The following MSRA variants were observed in gnomAD, a reference collection of about 807,000 sequenced individuals.
MSRA encodes the protein mitochondrial peptide methionine sulfoxide reductase.
MSRA carries 54 observed loss-of-function variants against 31.3 expected under a neutral mutation model. The observed-to-expected ratio is 1.73, with a 90% CI of 1.39 to 2.17. The LOEUF is 2.17. Among genes scored for constraint, MSRA ranks in the 30% most tolerant of loss-of-function variants. MSRA has a pLI of 0.00. For missense variants in MSRA, 507 were observed against 300.9 expected (o/e 1.69, Z -5.07); for synonymous variants, 169 against 116.5 (o/e 1.45, Z -2.90).
intron 5 of MSRA, among the ~76,000 whole-genome samples, chr8:10,324,656 G>C (rs796665263): frequency 2.6e-5 from 4 of 152,248 alleles, no homozygotes; most frequent in African/African-American, 9.6e-5. Flanking sequence ...GCTTAGCCTG[G>C]GTCCCACAGA....
chr8:10,331,719 T>A (rs2129144382), intron 5 of MSRA, among the ~76,000 whole-genome samples: 1 of 152,338 alleles, frequency 6.6e-6, no homozygotes, highest in Non-Finnish European at 1.5e-5. Flanking sequence ...AATCTGATGA[T>A]GCTTAATCCC....
At chr8:10,225,714 G>A (rs748546483) in intron 2 of MSRA, among the ~76,000 whole-genome samples, 5 of 152,138 alleles carry the variant, frequency 3.3e-5, no homozygotes, top group Admixed American at 6.5e-5. Context: ...TGATGTAGAT[G>A]TCTGACGAGC....
intron 1 of MSRA, among the ~76,000 whole-genome samples, chr8:10,074,865 G>T (rs1057320782): frequency 6.6e-6 from 1 of 151,956 alleles, no homozygotes; most frequent in Non-Finnish European, 1.5e-5. Context: ...CACCGTGTTG[G>T]CCAGGCTGGT....
intron 1 of MSRA, among the ~76,000 whole-genome samples, chr8:10,086,306 A>C (rs1798555496): frequency 6.6e-6 from 1 of 152,188 alleles, no homozygotes; most frequent in African/African-American, 2.4e-5. Flanking sequence ...CTACCATTTA[A>C]TGGAGGTTGA....
At chr8:10,333,433 C>T (rs1166540134) in intron 5 of MSRA, among the ~76,000 whole-genome samples, 3 of 152,188 alleles carry the variant, frequency 2.0e-5, no homozygotes, top group African/African-American at 7.2e-5. Flanking sequence ...CAGCTGCATT[C>T]CTTGCAGAGA....
intron 2 of MSRA, among the ~76,000 whole-genome samples, chr8:10,221,074 A>T (rs1160598841): frequency 6.6e-6 from 1 of 152,146 alleles, no homozygotes; most frequent in Non-Finnish European, 1.5e-5. Flanking sequence ...TGGCCACATG[A>T]TGGGGAAAGC....
At chr8:10,237,949 G>T (rs1294589290) in intron 2 of MSRA, among the ~76,000 whole-genome samples, 2 of 152,156 alleles carry the variant, frequency 1.3e-5, no homozygotes, top group Non-Finnish European at 2.9e-5. Flanking sequence ...AGGACAGCCA[G>T]AGTGATTTTG....
intron 5 of MSRA, among the ~76,000 whole-genome samples, chr8:10,357,796 G>C (rs1209561982): frequency 6.6e-6 from 1 of 152,200 alleles, no homozygotes; most frequent in Non-Finnish European, 1.5e-5. Flanking sequence ...GCGTATGTTG[G>C]GGAGGGAGGG....
intron 3 of MSRA, among the ~76,000 whole-genome samples, chr8:10,268,164 A>G (rs1336710414): frequency 6.6e-6 from 1 of 152,180 alleles, no homozygotes; most frequent in Non-Finnish European, 1.5e-5. Flanking sequence ...CTGGTGTTGA[A>G]GGAATTCATA....
intron 1 of MSRA, among the ~76,000 whole-genome samples, chr8:10,148,482 A>C (rs1803358408): frequency 6.6e-6 from 1 of 151,980 alleles, no homozygotes; most frequent in Admixed American, 6.6e-5. Context: ...CCCCATCTCT[A>C]CTAAAAATAC....
intron 5 of MSRA, among the ~76,000 whole-genome samples, chr8:10,366,653 G>T (rs555031945): frequency 2.0e-5 from 3 of 152,160 alleles, no homozygotes; most frequent in Non-Finnish European, 4.4e-5. Flanking sequence ...TCCCCTGCTT[G>T]TACCTGTAAC....
chr8:10,118,235 A>G (rs1410987721), intron 1 of MSRA, among the ~76,000 whole-genome samples: 1 of 152,132 alleles, frequency 6.6e-6, no homozygotes, highest in Non-Finnish European at 1.5e-5. Flanking sequence ...ACTGGAGTAT[A>G]TCCTTGATTG....
chr8:10,276,971 A>AT (rs540811393), intron 3 of MSRA, among the ~76,000 whole-genome samples: 35 of 151,990 alleles, frequency 2.3e-4, no homozygotes, highest in South Asian at 1.9e-3. Context: ...AATGGATTTG[A>AT]TTTTTTTTCT....
chr8:10,088,354 A>G (rs1290412023), intron 1 of MSRA, among the ~76,000 whole-genome samples: 1 of 152,184 alleles, frequency 6.6e-6, no homozygotes, highest in Non-Finnish European at 1.5e-5. Context: ...AGGAGATGAA[A>G]TCATTACCTT....
In MSRA at chr8:10,428,533, G is replaced by A. The variant is rs1050961635; in HGVS notation, c.*221G>A. The A allele has an allele frequency of 8.1e-6, 4 of 495,162 alleles. No individual in the cohort carries two copies. Among genetic ancestry groups the A allele is most frequent in the East Asian group, 4.0e-5 (1 of 24,892 alleles). 30.7% of individuals were successfully genotyped at this position (495,162 alleles called of 1,614,324 possible). A position where few individuals can be genotyped will look rare whatever the true frequency, so the allele number is the denominator to read the frequency against. ...GTTATGGTGGGAGTGGAGCTGTGCAGTTTCCTGTGTCTTCTGGGGTCTGAG... is the reference window on the plus strand; with the variant it reads ...GTTATGGTGGGAGTGGAGCTGTGCAATTTCCTGTGTCTTCTGGGGTCTGAG... On this transcript the variant is annotated 3_prime_UTR_variant, in exon 6 of 6. Coordinates refer to ENST00000317173, the MANE Select transcript of MSRA (RefSeq NM_012331.5).
chr8:10,248,870 T>C (rs1797768983), intron 3 of MSRA, among the ~76,000 whole-genome samples: 1 of 152,198 alleles, frequency 6.6e-6, no homozygotes, highest in Admixed American at 6.5e-5. Context: ...TAGAATAAAG[T>C]CGCCCATTGA....
chr8:10,385,597 G>A (rs1276180406), intron 5 of MSRA, among the ~76,000 whole-genome samples: 1 of 152,168 alleles, frequency 6.6e-6, no homozygotes, highest in Non-Finnish European at 1.5e-5. Flanking sequence ...CTGTGGTAAG[G>A]AGATTAGGAG....
chr8:10,334,855 C>T (rs767969347), intron 5 of MSRA, among the ~76,000 whole-genome samples: 13 of 152,376 alleles, frequency 8.5e-5, no homozygotes, highest in Non-Finnish European at 1.5e-4. Flanking sequence ...CGCGCCACCC[C>T]TCCCCCGCTC....
chr8:10,359,951 TC>T (rs1334214631), intron 5 of MSRA, among the ~76,000 whole-genome samples: 1 of 152,176 alleles, frequency 6.6e-6, no homozygotes, highest in Non-Finnish European at 1.5e-5. Flanking sequence ...CTGTTTCTGT[TC>T]CCCTCCTCCA....
Sources: gnomAD v4.1 joint callset for allele counts (sites outside exome capture counted in the v4.1 genomes callset) on GRCh38, gnomAD v4.1.1 for gene constraint, MANE v1.5 for transcripts, NCBI Gene and HGNC (gene_info 2026-07-23, HGNC 2026-07-21) for gene names.